TMEM161B: variants seen among roughly 807,000 people sequenced by gnomAD.
TMEM161B encodes the protein transmembrane protein 161B.
A neutral mutation model predicts 61.8 loss-of-function variants in TMEM161B; 34 were observed. That is an observed-to-expected ratio of 0.55 (90% CI 0.42 to 0.73). TMEM161B has a LOEUF of 0.73. Among genes scored for constraint, TMEM161B ranks in the 30% least tolerant of loss-of-function variants. The pLI is 0.00. For missense variants in TMEM161B, 456 were observed against 558.5 expected (o/e 0.82, Z 1.85); for synonymous variants, 167 against 192.8 (o/e 0.87, Z 1.11).
intron 1 of TMEM161B, among the ~76,000 whole-genome samples, chr5:88,247,150 A>G (rs1753724315): frequency 6.6e-6 from 1 of 152,064 alleles, no homozygotes; most frequent in South Asian, 2.1e-4. Flanking sequence ...GATCCTTACA[A>G]TTGTTGTCAG....
At chr5:88,255,459 G>A (rs1276018791) in intron 1 of TMEM161B, among the ~76,000 whole-genome samples, 3 of 152,152 alleles carry the variant, frequency 2.0e-5, no homozygotes, top group Non-Finnish European at 4.4e-5. Flanking sequence ...AGCAGCTAAA[G>A]AATAAGAACA....
Position 88,263,204 on chromosome 5 carries a change from T to C in TMEM161B, c.3+5517A>G, listed in dbSNP as rs553109797. On this transcript the variant is annotated intron_variant, in intron 1 of 11. Coordinates refer to ENST00000296595, the MANE Select transcript of TMEM161B (RefSeq NM_153354.5). ...AATTTGCTACAATGTCACCTCCTCATTGAAGCTTTCCCTACATGCCCTATC... is the reference window on the plus strand; with the variant it reads ...AATTTGCTACAATGTCACCTCCTCACTGAAGCTTTCCCTACATGCCCTATC... Among the ~76,000 whole-genome samples the C allele has an allele frequency of 5.3e-5, 8 of 152,058 alleles. No individual in the cohort carries two copies. In the East Asian group the frequency reaches 5.8e-4, roughly 11 times the overall value.
At chr5:88,230,680 C>G (rs1750841714) in intron 2 of TMEM161B, among the ~76,000 whole-genome samples, 1 of 152,174 alleles carries the variant, frequency 6.6e-6, no homozygotes, top group Admixed American at 6.5e-5. Flanking sequence ...TTGTGAACAC[C>G]TATGCCCCTA....
At chr5:88,250,174 A>G (rs1754145212) in intron 1 of TMEM161B, among the ~76,000 whole-genome samples, 1 of 151,414 alleles carries the variant, frequency 6.6e-6, no homozygotes, top group Admixed American at 6.6e-5. Context: ...GTTTGCACAG[A>G]GAGAGAGAAA....
chr5:88,227,888 T>C (rs764723708), intron 3 of TMEM161B, among the ~76,000 whole-genome samples: 33 of 152,294 alleles, frequency 2.2e-4, no homozygotes, highest in Non-Finnish European at 4.3e-4. Context: ...CAAAACATTG[T>C]TTTGTTTACT....
At chr5:88,266,624 C>T (rs1330041971) in intron 1 of TMEM161B, among the ~76,000 whole-genome samples, 1 of 152,168 alleles carries the variant, frequency 6.6e-6, no homozygotes. Flanking sequence ...GAATCTGGGT[C>T]CTCTGGGGTC....
At chr5:88,253,525 G>C (rs933538825) in intron 1 of TMEM161B, among the ~76,000 whole-genome samples, 5 of 152,142 alleles carry the variant, frequency 3.3e-5, no homozygotes, top group Non-Finnish European at 5.9e-5. Flanking sequence ...CAAAGACAAG[G>C]AGAACAAATG....
At chr5:88,228,124 C>T (rs1316152756) in intron 3 of TMEM161B, among the ~76,000 whole-genome samples, 1 of 151,968 alleles carries the variant, frequency 6.6e-6, no homozygotes, top group African/African-American at 2.4e-5. Flanking sequence ...GGAAAATAAC[C>T]CAAACCAACT....
chr5:88,258,042 T>A (rs769206492), intron 1 of TMEM161B, among the ~76,000 whole-genome samples: 56 of 152,192 alleles, frequency 3.7e-4, no homozygotes, highest in Non-Finnish European at 6.5e-4. Context: ...ACACTTCTGA[T>A]AAGAATGATT....
rs746105950 is a variant in TMEM161B at position 88,205,952 on chromosome 5, C to T, written c.662G>A (p.Ser221Asn). Reference protein sequence around the residue: ...FLEKQGLESQSPVSKLTFKFF... With the variant: ...FLEKQGLESQNPVSKLTFKFF... ...TTTGAAAGTAAGTTTTGAAACAGGA[C>T]TCCTAAAAATAAAATTTTTTAAAAA... The change falls in exon 8 of 12, where the codon AGT (serine) becomes AAT (asparagine). Residue 221 changes from serine (S) to asparagine (N), a missense_variant and splice_region_variant. Physicochemically the swap from Ser to Asn is conservative, Grantham distance 46 (BLOSUM62 1). Around this residue, in one of 3 missense-constraint regions of TMEM161B, gnomAD observed 367 missense variants for 427.3 expected, o/e 0.86. Transcript: ENST00000296595. 6 of 1,587,812 alleles carry T rather than the reference C, an allele frequency of 3.8e-6. No individual in the cohort carries two copies. In the East Asian group the frequency reaches 6.7e-5, roughly 18 times the overall value.
At chr5:88,209,131 T>G (rs946587159) in intron 5 of TMEM161B, among the ~76,000 whole-genome samples, 8 of 152,204 alleles carry the variant, frequency 5.3e-5, no homozygotes, top group Non-Finnish European at 1.0e-4. Context: ...TGGATTGTAA[T>G]GCTCAACCTG....
chr5:88,226,680 A>G (rs1750104302), intron 3 of TMEM161B, among the ~76,000 whole-genome samples: 1 of 152,220 alleles, frequency 6.6e-6, no homozygotes, highest in East Asian at 1.9e-4. Flanking sequence ...TCAGTAAAAA[A>G]TAATTTCATG....
intron 7 of TMEM161B, among the ~76,000 whole-genome samples, chr5:88,206,174 C>A (rs998943742): frequency 6.6e-6 from 1 of 152,100 alleles, no homozygotes; most frequent in African/African-American, 2.4e-5. Flanking sequence ...CTAACCTACA[C>A]ATTCAACAGG....
intron 1 of TMEM161B, among the ~76,000 whole-genome samples, chr5:88,265,731 C>A (rs1313592079): frequency 6.6e-6 from 1 of 152,098 alleles, no homozygotes; most frequent in Non-Finnish European, 1.5e-5. Flanking sequence ...CCCAACACTC[C>A]CCTCCACTCC....
At chr5:88,210,258 G>T (rs1746436963) in intron 5 of TMEM161B, among the ~76,000 whole-genome samples, 1 of 152,064 alleles carries the variant, frequency 6.6e-6, no homozygotes, top group South Asian at 2.1e-4. Context: ...CTAGACAACT[G>T]AATTAAATAT....
chr5:88,186,650 C>T (rs1404474908), downstream of TMEM161B, among the ~76,000 whole-genome samples: 1 of 151,788 alleles, frequency 6.6e-6, no homozygotes, highest in Non-Finnish European at 1.5e-5. Flanking sequence ...TTTATGGGGG[C>T]CAAGTGCGGT....
At chr5:88,206,033 T>C in intron 7 of TMEM161B, 79 bp from the exon 8 acceptor site, 1 of 1,143,258 alleles carries the variant, frequency 8.7e-7, no homozygotes. Context: ...TAATCAATTA[T>C]CTTACAAATA....
At chr5:88,193,459 C>T (rs1408281206), downstream of TMEM161B, among the ~76,000 whole-genome samples, 2 of 152,022 alleles carry the variant, frequency 1.3e-5, no homozygotes, top group East Asian at 1.9e-4. Context: ...ATTTGAAGAA[C>T]ATAACTCTTG....
At chr5:88,243,300 C>G (rs1753039950) in intron 1 of TMEM161B, among the ~76,000 whole-genome samples, 1 of 151,710 alleles carries the variant, frequency 6.6e-6, no homozygotes, top group Admixed American at 6.6e-5. Context: ...TTAATGTGTA[C>G]TCAGTGTTTA....
Sources: allele counts gnomAD v4.1 joint callset (sites outside exome capture counted in the v4.1 genomes callset), GRCh38; gene constraint gnomAD v4.1.1; regional missense constraint gnomAD v4.1.1; transcripts MANE v1.5; gene names NCBI Gene and HGNC (gene_info 2026-07-23, HGNC 2026-07-21).